CDKL2: variants seen among roughly 807,000 people sequenced by gnomAD.
CDKL2 encodes the protein cyclin-dependent kinase-like 2.
CDKL2 carries 64 observed loss-of-function variants against 63.9 expected under a neutral mutation model. That is an observed-to-expected ratio of 1.00 (90% CI 0.82 to 1.23). The LOEUF (loss-of-function observed/expected upper bound fraction) is 1.23, where lower values mean the gene tolerates loss of function less well. Ranked by LOEUF, CDKL2 falls within the 50% of genes most tolerant of loss-of-function variation. The pLI is 0.00. For missense variants in CDKL2, 656 were observed against 668.0 expected, an observed-to-expected ratio of 0.98 and a Z score of 0.20; for synonymous variants, 211 against 229.2, an observed-to-expected ratio of 0.92 and a Z score of 0.72.
intron 12 of CDKL2, among the ~76,000 whole-genome samples, chr4:75,588,383 C>T (rs565685171): frequency 7.9e-5 from 12 of 151,994 alleles, no homozygotes; most frequent in Non-Finnish European, 1.3e-4. Context: ...ATGAAGCTAA[C>T]AAAACCTTAA....
At position 75,626,016 on chromosome 4, in the gene CDKL2, T is replaced by G; in HGVS notation, c.-28A>C. ...TAATTTAAAGTCCGTAGAAACTTTT[T>G]GCTGTGAAAACCAAAACATAGATTT... is the stretch of plus-strand genomic sequence containing the variant. On this transcript the variant is annotated splice_region_variant and 5_prime_UTR_variant, in exon 2 of 14. Coordinates refer to ENST00000307465, the MANE Select transcript of CDKL2 (RefSeq NM_001330724.2). The G allele has an allele frequency of 6.3e-7, 1 of 1,594,438 alleles. No individual in the cohort carries two copies. The highest frequency in any genetic ancestry group is 8.5e-7 in the Non-Finnish European group (1 of 1,173,742).
intron 2 of CDKL2, among the ~76,000 whole-genome samples, chr4:75,615,409 C>T (rs1023616352): frequency 2.6e-5 from 4 of 152,020 alleles, no homozygotes; most frequent in Admixed American, 2.6e-4. Context: ...TTAACACTCA[C>T]CAGAAAAAAA....
intron 7 of CDKL2, 30 bp downstream of exon 7, chr4:75,600,251 T>C: frequency 7.1e-7 from 1 of 1,414,404 alleles, no homozygotes. Flanking sequence ...TAGGTTGGTA[T>C]GGCCTGAAAA....
At chr4:75,595,460 C>T (rs908707839) in intron 10 of CDKL2, among the ~76,000 whole-genome samples, 3 of 152,096 alleles carry the variant, frequency 2.0e-5, no homozygotes, top group African/African-American at 7.2e-5. Context: ...AACTATCCTC[C>T]CACCTCGGCC....
intron 3 of CDKL2, among the ~76,000 whole-genome samples, chr4:75,610,835 A>T (rs954159028): frequency 2.0e-5 from 3 of 152,138 alleles, no homozygotes; most frequent in Non-Finnish European, 4.4e-5. Flanking sequence ...ATATATATGT[A>T]TGTATGTATG....
At chr4:75,598,833 C>T (rs1399580094) in intron 7 of CDKL2, among the ~76,000 whole-genome samples, 3 of 152,052 alleles carry the variant, frequency 2.0e-5, no homozygotes, top group African/African-American at 7.2e-5. Flanking sequence ...GAAAGACTGA[C>T]AGAAAAACTA....
chr4:75,594,635 C>A (rs866074947), intron 10 of CDKL2, among the ~76,000 whole-genome samples: 1 of 151,672 alleles, frequency 6.6e-6, no homozygotes, highest in Non-Finnish European at 1.5e-5. Context: ...GAGAAGGCAT[C>A]GAACATAAAG....
rs1377705685 is a variant in CDKL2 at position 75,577,828 on chromosome 4, A to ATT, written c.*1372_*1373dup. On this transcript the variant is annotated 3_prime_UTR_variant, in exon 14 of 14. Transcript: ENST00000307465. ...ATAGACTTGTACATTGAAACCCCTT[A>ATT]TTTGCCTCCTCTTGAATGTCCTACT... 1.3e-5 allele frequency among the ~76,000 whole-genome samples: 2 copies of ATT among 152,070 alleles called. No individual in the cohort carries two copies. The highest frequency in any genetic ancestry group is 4.8e-5 in the African/African-American group (2 of 41,402).
intron 6 of CDKL2, among the ~76,000 whole-genome samples, chr4:75,601,839 T>A (rs1386176714): frequency 1.3e-5 from 2 of 152,186 alleles, no homozygotes; most frequent in Non-Finnish European, 2.9e-5. Context: ...TTTAATTAGT[T>A]ATAAGCTTAT....
intron 12 of CDKL2, among the ~76,000 whole-genome samples, chr4:75,586,694 G>A (rs1433731531): frequency 6.6e-6 from 1 of 152,058 alleles, no homozygotes; most frequent in Non-Finnish European, 1.5e-5. Flanking sequence ...CACTCTCAAA[G>A]AAGAGGATAG....
At position 75,591,929 on chromosome 4, in the gene CDKL2, G is replaced by C. The variant is rs1368649175; in HGVS notation, c.1541-4C>G. ...TTTGTTAGCCTGGAATTTCGAGCTAGATAGAAATGACCATAAACACAGTGA... is the reference window on the plus strand; with the variant it reads ...TTTGTTAGCCTGGAATTTCGAGCTACATAGAAATGACCATAAACACAGTGA... On this transcript the variant is annotated splice_polypyrimidine_tract_variant and splice_region_variant and intron_variant, in intron 11 of 13. Coordinates refer to ENST00000307465, the MANE Select transcript of CDKL2 (RefSeq NM_001330724.2). 6.5e-7 allele frequency: 1 copy of C among 1,530,806 alleles called. No individual in the cohort carries two copies. Among genetic ancestry groups the C allele is most frequent in the Admixed American group, 2.0e-5 (1 of 50,860 alleles). The allele number at this position is 1,530,806 out of a possible 1,614,324, so 94.8% of individuals were successfully genotyped here. A position where few individuals can be genotyped will look rare whatever the true frequency, so the allele number is the denominator to read the frequency against.
chr4:75,588,072 G>T (rs578013560), intron 12 of CDKL2, among the ~76,000 whole-genome samples: 2 of 151,552 alleles, frequency 1.3e-5, no homozygotes, highest in African/African-American at 4.8e-5. Context: ...AAATTAGCCG[G>T]GCGTGGTGGT....
In CDKL2 at chr4:75,577,963, A is replaced by G. The variant is rs755346256; in HGVS notation, c.*1239T>C. 9 of 151,520 alleles carry G rather than the reference A, an allele frequency of 5.9e-5. No individual in the cohort carries two copies. The highest frequency in any genetic ancestry group is 1.3e-4 in the Non-Finnish European group (9 of 67,900). 9.4% of individuals were successfully genotyped at this position (151,520 alleles called of 1,614,324 possible). On this transcript the variant is annotated 3_prime_UTR_variant, in exon 14 of 14. Transcript: ENST00000307465. Reference sequence around the variant, plus strand: ...GCTAAGTTCTAGTCAATGGCTTTGGAAAAAAAGCAACACACTATTAATTAG... The same window carrying G: ...GCTAAGTTCTAGTCAATGGCTTTGGGAAAAAAGCAACACACTATTAATTAG...
intron 3 of CDKL2, among the ~76,000 whole-genome samples, chr4:75,608,350 C>A (rs899474075): frequency 6.6e-6 from 1 of 151,564 alleles, no homozygotes; most frequent in Non-Finnish European, 1.5e-5. Flanking sequence ...GTCTCAAACT[C>A]CTGACCTCAG....
chr4:75,594,231 T>C (rs1422849969), intron 10 of CDKL2, among the ~76,000 whole-genome samples: 1 of 152,132 alleles, frequency 6.6e-6, no homozygotes, highest in Admixed American at 6.6e-5. Flanking sequence ...GCAGATCACC[T>C]GAGGTCAGGA....
At chr4:75,599,321 G>A (rs36073036) in intron 7 of CDKL2, among the ~76,000 whole-genome samples, 3 of 152,076 alleles carry the variant, frequency 2.0e-5, no homozygotes, top group Non-Finnish European at 4.4e-5. Context: ...CAGCACTTTA[G>A]GAGGCCCAGG....
intron 7 of CDKL2, 105 bp downstream of exon 7, chr4:75,600,176 G>T: frequency 1.4e-6 from 1 of 704,574 alleles, no homozygotes; most frequent in Non-Finnish European, 2.4e-6. Flanking sequence ...CTGAGATCCT[G>T]CAAAGTAGGT....
In CDKL2 at chr4:75,597,244, T is replaced by C; in HGVS notation, c.1021-8A>G. 6.6e-7 allele frequency: 1 copy of C among 1,521,286 alleles called. No homozygotes were observed. The highest frequency in any genetic ancestry group is 9.0e-7 in the Non-Finnish European group (1 of 1,105,602). The allele number at this position is 1,521,286 out of a possible 1,614,324, so 94.2% of individuals were successfully genotyped here. ...GGGATCAGCATTGGTATCCTGATCA[T>C]TAACAAAAATATTAATAAGGTTAAT... On this transcript the variant is annotated splice_region_variant and splice_polypyrimidine_tract_variant and intron_variant, in intron 8 of 13. Coordinates refer to ENST00000307465, the MANE Select transcript of CDKL2 (RefSeq NM_001330724.2).
At chr4:75,620,221 A>G (rs1327495320) in intron 2 of CDKL2, among the ~76,000 whole-genome samples, 1 of 152,176 alleles carries the variant, frequency 6.6e-6, no homozygotes, top group Non-Finnish European at 1.5e-5. Context: ...TAATAATAGT[A>G]TTTCAAAGAT....
Sources: allele counts gnomAD v4.1 joint callset (sites outside exome capture counted in the v4.1 genomes callset), GRCh38; gene constraint gnomAD v4.1.1; transcripts MANE v1.5; gene names NCBI Gene and HGNC (gene_info 2026-07-23, HGNC 2026-07-21).